ZCCHC2: variants seen among roughly 807,000 people sequenced by gnomAD.
The protein encoded by ZCCHC2 is zinc finger CCHC-type containing 2.
ZCCHC2 carries 39 observed loss-of-function variants against 103.6 expected under a neutral mutation model. The ratio of observed to expected loss-of-function variants is 0.38; its 90% CI spans 0.29 to 0.49. The LOEUF is 0.49. ZCCHC2 is among the 20% of genes least tolerant of loss of function. The probability of loss-of-function intolerance (pLI) is 0.96; values close to 1 mark genes in which losing one functional copy is unlikely to be tolerated. For missense variants in ZCCHC2, 1,483 were observed against 1,491.0 expected (o/e 0.99, Z 0.09); for synonymous variants, 687 against 608.9 (o/e 1.13, Z -1.89).
chr18:62,550,477 C>T lies in ZCCHC2; in HGVS notation c.1313+17C>T, dbSNP rs192758513. 4.8e-5 allele frequency: 76 copies of T among 1,579,038 alleles called. No homozygotes were observed. Among genetic ancestry groups the T allele is most frequent in the Admixed American group, 3.9e-4 (23 of 58,990 alleles). The stretch of plus-strand genomic sequence containing the variant: ...CATCCTAAGGTAATGATTTACCTGA[C>T]GCCTATCATAGCAGCATACACACAG... On this transcript the variant is annotated intron_variant, in intron 5 of 13. Coordinates refer to ENST00000269499, the MANE Select transcript of ZCCHC2 (RefSeq NM_017742.6).
At chr18:62,548,233 A>G (rs1022213142) in intron 4 of ZCCHC2, among the ~76,000 whole-genome samples, 1 of 152,130 alleles carries the variant, frequency 6.6e-6, no homozygotes, top group Non-Finnish European at 1.5e-5. Flanking sequence ...AATATAAAAG[A>G]CATGATTTAA....
At chr18:62,546,765 C>G (rs1360121240) in intron 4 of ZCCHC2, among the ~76,000 whole-genome samples, 1 of 152,196 alleles carries the variant, frequency 6.6e-6, no homozygotes, top group Non-Finnish European at 1.5e-5. Flanking sequence ...TTTCTTCAGT[C>G]GCCCATTTTT....
chr18:62,563,825 T>C (rs1171122526), intron 9 of ZCCHC2, among the ~76,000 whole-genome samples: 5 of 152,248 alleles, frequency 3.3e-5, no homozygotes, highest in Non-Finnish European at 7.3e-5. Flanking sequence ...AACTGACCTT[T>C]CTTCATGAAT....
At chr18:62,564,475 C>T in intron 9 of ZCCHC2, 96 bp from the exon 10 acceptor site, 1 of 903,122 alleles carries the variant, frequency 1.1e-6, no homozygotes, top group South Asian at 2.2e-5. Flanking sequence ...TTAGAATATA[C>T]AACTGGGAAT....
intron 13 of ZCCHC2, among the ~76,000 whole-genome samples, chr18:62,576,001 T>C (rs1248874740): frequency 6.7e-6 from 1 of 149,096 alleles, no homozygotes; most frequent in Non-Finnish European, 1.5e-5. Context: ...TGTTTCCCCA[T>C]GCTACCCTTT....
intron 11 of ZCCHC2, among the ~76,000 whole-genome samples, chr18:62,568,819 A>C (rs10503074): frequency 0.22 from 34,041 of 152,120 alleles, 4,052 homozygotes; most frequent in South Asian, 0.31. Flanking sequence ...GACTCATGCA[A>C]GTTCTATAGG....
At chr18:62,558,561 T>C (rs749466799) in intron 6 of ZCCHC2, 126 bp from the exon 7 acceptor site, 16 of 548,366 alleles carry the variant, frequency 2.9e-5, no homozygotes, top group Admixed American at 1.1e-4. Context: ...GCCTTCTCAC[T>C]AGTAGCCATG....
intron 4 of ZCCHC2, 83 bp from the exon 5 acceptor site, chr18:62,550,265 C>A: frequency 9.7e-7 from 1 of 1,031,374 alleles, no homozygotes; most frequent in Non-Finnish European, 1.4e-6. Context: ...AGGCATTAAT[C>A]TTCATTTTAT....
At chr18:62,538,415 G>A (rs559348720) in intron 1 of ZCCHC2, among the ~76,000 whole-genome samples, 2 of 152,036 alleles carry the variant, frequency 1.3e-5, no homozygotes, top group Non-Finnish European at 2.9e-5. Context: ...AGAATCTCTC[G>A]TGGGTAAATG....
At chr18:62,532,588 A>G (rs1914735695) in intron 1 of ZCCHC2, among the ~76,000 whole-genome samples, 1 of 152,092 alleles carries the variant, frequency 6.6e-6, no homozygotes, top group Non-Finnish European at 1.5e-5. Flanking sequence ...CTTTCATTCT[A>G]GGCTGGGTTC....
chr18:62,571,750 TC>T (rs1916607068), intron 12 of ZCCHC2, among the ~76,000 whole-genome samples: 1 of 152,214 alleles, frequency 6.6e-6, no homozygotes, highest in Non-Finnish European at 1.5e-5. Context: ...CAGATTAAGA[TC>T]CTTACCACAT....
At chr18:62,552,699 G>A (rs1189436402) in intron 5 of ZCCHC2, among the ~76,000 whole-genome samples, 1 of 151,994 alleles carries the variant, frequency 6.6e-6, no homozygotes, top group African/African-American at 2.4e-5. Flanking sequence ...AACAGCCTGG[G>A]CAACATAGTG....
chr18:62,585,827 C>T (rs1449641675), exon 15 of ZCCHC2: 1 of 152,268 alleles, frequency 6.6e-6, no homozygotes, highest in Non-Finnish European at 1.5e-5. Flanking sequence ...CATTTCAGTC[C>T]CACAGCCCTG....
chr18:62,561,832 T>C (rs995748941), intron 8 of ZCCHC2, among the ~76,000 whole-genome samples: 3 of 152,242 alleles, frequency 2.0e-5, no homozygotes, highest in Non-Finnish European at 4.4e-5. Context: ...TTTTCCTAGC[T>C]TCCTTTGCAT....
Position 62,544,850 on chromosome 18 carries a change from G to A in ZCCHC2, c.1177G>A (p.Glu393Lys). 1 of 1,540,498 alleles carries A rather than the reference G, an allele frequency of 6.5e-7. No individual in the cohort carries two copies. Among genetic ancestry groups the A allele is most frequent in the Non-Finnish European group, 8.7e-7 (1 of 1,146,252 alleles). ...CACAACAGTAACAAAAACCCACCAA[G>A]AACTACAGGAATTTCTACTGAAGGT... ...SVTTVTKTHQ[E>K]LQEFLLKLPK... is the part of the protein sequence containing the mutation. The change falls in exon 4 of 14, where the codon GAA (glutamate) becomes AAA (lysine). Residue 393 changes from glutamate to lysine, a missense_variant. By Grantham distance (56) the Glu-to-Lys change is moderately conservative. Around this residue, in one of 3 missense-constraint regions of ZCCHC2, gnomAD observed 31 missense variants for 58.4 expected, o/e 0.53. Coordinates refer to ENST00000269499, the MANE Select transcript of ZCCHC2 (RefSeq NM_017742.6).
At position 62,540,002 on chromosome 18, in the gene ZCCHC2, C is replaced by G. The variant is rs59212155; in HGVS notation, c.1051+210C>G. Among the ~76,000 whole-genome samples the G allele has an allele frequency of 6.3e-3, 952 of 152,272 alleles. 12 individuals carry two copies. Among genetic ancestry groups the G allele is most frequent in the African/African-American group, 0.022 (908 of 41,550 alleles). On this transcript the variant is annotated intron_variant, in intron 2 of 13. Transcript: ENST00000269499. ...CCACAGCCCTGCTTGTCCTAGCACG[C>G]ACACAGTCATTCTGCTCTGTAGTCC...
At chr18:62,573,358 AGCGTAAGACTGAT>A (rs976120149) in intron 12 of ZCCHC2, among the ~76,000 whole-genome samples, 2 of 152,162 alleles carry the variant, frequency 1.3e-5, no homozygotes, top group African/African-American at 4.8e-5. Flanking sequence ...TCTGTACACA[AGCGTAAGACTGAT>A]GCAGGAGTAG....
chr18:62,551,120 A>T (rs947024497), intron 5 of ZCCHC2: 1 of 152,184 alleles, frequency 6.6e-6, no homozygotes, highest in Non-Finnish European at 1.5e-5. Flanking sequence ...AGTTGAGGGA[A>T]TTTTTGCCCA....
chr18:62,552,475 A>C (rs538066755), intron 5 of ZCCHC2: 1 of 152,336 alleles, frequency 6.6e-6, no homozygotes, highest in South Asian at 2.1e-4. Context: ...TAGCCATTAC[A>C]CTAGGTATTT....
Sources: allele counts gnomAD v4.1 joint callset (sites outside exome capture counted in the v4.1 genomes callset), GRCh38; gene constraint gnomAD v4.1.1; regional missense constraint gnomAD v4.1.1; transcripts MANE v1.5; gene names NCBI Gene and HGNC (gene_info 2026-07-23, HGNC 2026-07-21).